The following MEGF8 variants were observed in gnomAD, a reference collection of about 807,000 sequenced individuals.
MEGF8 encodes multiple epidermal growth factor-like domains protein 8.
In MEGF8, 156 loss-of-function variants were observed where a neutral mutation model predicts 302.9. That is an observed-to-expected ratio of 0.52 (90% CI 0.45 to 0.59). The LOEUF is 0.59. MEGF8 is among the 20% of genes least tolerant of loss of function. The pLI, the probability that MEGF8 is intolerant of heterozygous loss-of-function variation, is 0.00. For synonymous variants in MEGF8, 1,621 were observed against 1,660.5 expected (o/e 0.98, Z 0.58); for missense variants, 3,345 against 3,964.5 (o/e 0.84, Z 4.20).
Position 42,351,138 on chromosome 19 carries a change from A to AG in MEGF8, c.2737-73dup. 1.7e-6 allele frequency: 2 copies of AG among 1,209,414 alleles called. No individual in the cohort carries two copies. Among genetic ancestry groups the AG allele is most frequent in the Non-Finnish European group, 1.2e-6 (1 of 864,878 alleles). The allele number at this position is 1,209,414 out of a possible 1,614,324, so 74.9% of individuals were successfully genotyped here. A position where few individuals can be genotyped will look rare whatever the true frequency, so the allele number is the denominator to read the frequency against. On this transcript the variant is annotated intron_variant, in intron 15 of 41. Coordinates refer to ENST00000251268, the MANE Select transcript of MEGF8 (RefSeq NM_001271938.2). The surrounding 1 kb of genome is among the most constrained non-coding windows in gnomAD (Gnocchi z 5.6). ...ACAGGGACAGTCTGCAGGGTGGGGC[A>AG]GGGGGTGGGATGGGCACTGGGAGTC...
chr19:42,376,059 A>T lies in MEGF8; in HGVS notation c.7822A>T (p.Lys2608Ter). The change falls in exon 42 of 42, where the codon AAG (lysine) becomes TAG (stop). Residue 2608 changes from lysine (K) to a stop codon, truncating the protein, a stop_gained. Coordinates refer to ENST00000251268, the MANE Select transcript of MEGF8 (RefSeq NM_001271938.2). LOFTEE classifies it high-confidence loss of function. The surrounding 1 kb of genome is among the most constrained non-coding windows in gnomAD (Gnocchi z 8.2). The part of the protein sequence containing the change: ...ITYPHEHHAL[K>*]SSRFYLLLLG... Reference sequence around the variant, plus strand: ...CTACCCACACGAGCACCATGCCCTCAAGTCGAGCCGCTTCTACCTGCTGCT... The same window carrying T: ...CTACCCACACGAGCACCATGCCCTCTAGTCGAGCCGCTTCTACCTGCTGCT... 6.2e-7 allele frequency: 1 copy of T among 1,604,560 alleles called. No individual in the cohort carries two copies. Among genetic ancestry groups the T allele is most frequent in the Non-Finnish European group, 8.5e-7 (1 of 1,178,370 alleles).
chr19:42,342,692 C>T (rs1400767734), intron 8 of MEGF8, among the ~76,000 whole-genome samples: 1 of 151,900 alleles, frequency 6.6e-6, no homozygotes, highest in Non-Finnish European at 1.5e-5. Flanking sequence ...TAGGGGCTGT[C>T]TTCAGGCTGG....
chr19:42,370,433 G>C (rs1384617874), intron 39 of MEGF8, 74 bp downstream of exon 39: 9 of 1,340,462 alleles, frequency 6.7e-6, no homozygotes, highest in Non-Finnish European at 9.2e-6. Context: ...AGGGAGGAGG[G>C]GGCTGGAGAC....
At chr19:42,328,917 C>T (rs2039020579) in intron 1 of MEGF8, among the ~76,000 whole-genome samples, 1 of 152,008 alleles carries the variant, frequency 6.6e-6, no homozygotes, top group Non-Finnish European at 1.5e-5. Flanking sequence ...ATTCAGCCCC[C>T]AGTGTGTTCA....
At chr19:42,327,679 T>A (rs963763461) in intron 1 of MEGF8, among the ~76,000 whole-genome samples, 21 of 152,344 alleles carry the variant, frequency 1.4e-4, no homozygotes, top group Non-Finnish European at 2.4e-4. Flanking sequence ...ACCTGGGGTA[T>A]AGCTGAGATC....
chr19:42,336,971 C>G lies in MEGF8; in HGVS notation c.1390+19C>G. The G allele has an allele frequency of 1.2e-6, 2 of 1,612,658 alleles. No homozygotes were observed. Among genetic ancestry groups the G allele is most frequent in the South Asian group, 2.2e-5 (2 of 90,968 alleles). ...GTCTATGGTGAGGAGGCTCCCCAAT[C>G]CTGCCTGCCTGCCTGCTGAGGGCCT... On this transcript the variant is annotated intron_variant, in intron 7 of 41. Coordinates refer to ENST00000251268, the MANE Select transcript of MEGF8 (RefSeq NM_001271938.2). The surrounding 1 kb of genome is among the most constrained non-coding windows in gnomAD (Gnocchi z 4.8).
intron 1 of MEGF8, among the ~76,000 whole-genome samples, chr19:42,332,655 C>T (rs758300451): frequency 2.0e-5 from 3 of 152,212 alleles, no homozygotes; most frequent in Non-Finnish European, 4.4e-5. Context: ...TGTGAGCCAC[C>T]GTGCCCAGCC....
intron 1 of MEGF8, among the ~76,000 whole-genome samples, chr19:42,330,556 T>C (rs10401224): frequency 0.021 from 3,228 of 152,328 alleles, 126 homozygotes; most frequent in African/African-American, 0.072. Context: ...GGGCTCTGGT[T>C]AGAGCCTGAG....
In MEGF8 at chr19:42,356,687, G is replaced by A; in HGVS notation, c.4623-87G>A. The stretch of plus-strand genomic sequence containing the variant: ...ACTGTCATAGGAAGGTCACCCCAGG[G>A]GATGCGGGGACATCTGTCAGGCAGG... On this transcript the variant is annotated intron_variant, in intron 26 of 41. Transcript: ENST00000251268. The surrounding 1 kb of genome is among the most constrained non-coding windows in gnomAD (Gnocchi z 5.2). 3 of 1,359,386 alleles carry A rather than the reference G, an allele frequency of 2.2e-6. No individual in the cohort carries two copies. Among genetic ancestry groups the A allele is most frequent in the Non-Finnish European group, 2.0e-6 (2 of 999,926 alleles). The allele number at this position is 1,359,386 out of a possible 1,614,324, so 84.2% of individuals were successfully genotyped here.
At position 42,344,321 on chromosome 19, in the gene MEGF8, A is replaced by G. The variant is rs2039256701; in HGVS notation, c.1789-120A>G. The G allele has an allele frequency of 7.2e-7, 1 of 1,391,818 alleles. No individual in the cohort carries two copies. Among genetic ancestry groups the G allele is most frequent in the Non-Finnish European group, 9.6e-7 (1 of 1,041,998 alleles). The allele number at this position is 1,391,818 out of a possible 1,614,324, so 86.2% of individuals were successfully genotyped here. On this transcript the variant is annotated intron_variant, in intron 10 of 41. Coordinates refer to ENST00000251268, the MANE Select transcript of MEGF8 (RefSeq NM_001271938.2). The surrounding 1 kb of genome is among the most constrained non-coding windows in gnomAD (Gnocchi z 4.5). ...TCTGGATCTCCCACATTCCAAGTCA[A>G]CTCCCCGTTCTTCAGTTTTTTCGCC...
intron 1 of MEGF8, among the ~76,000 whole-genome samples, chr19:42,327,664 G>A (rs10409428): frequency 0.019 from 2,858 of 152,326 alleles, 97 homozygotes; most frequent in African/African-American, 0.064. Flanking sequence ...AAGACATGTG[G>A]CTTAACCTGG....
chr19:42,346,266 C>T (rs1181075568), intron 12 of MEGF8, among the ~76,000 whole-genome samples: 2 of 152,170 alleles, frequency 1.3e-5, no homozygotes, highest in African/African-American at 4.8e-5. Context: ...CATCAAAAGT[C>T]ATTGGGGCTG....
Position 42,351,190 on chromosome 19 carries a change from G to C in MEGF8, c.2737-26G>C. ...AAAGGAAAGGGCTGAGTGGGGTTCT[G>C]ACTCCTCTGCCCAACTGACCCCCAG... On this transcript the variant is annotated intron_variant, in intron 15 of 41. Transcript: ENST00000251268. The surrounding 1 kb of genome is among the most constrained non-coding windows in gnomAD (Gnocchi z 5.6). The C allele has an allele frequency of 6.5e-7, 1 of 1,544,054 alleles. No homozygotes were observed. Among genetic ancestry groups the C allele is most frequent in the Middle Eastern group, 1.7e-4 (1 of 5,924 alleles).
In MEGF8 at chr19:42,369,738, G is replaced by A. The variant is rs1212014526; in HGVS notation, c.6834+15G>A. On this transcript the variant is annotated intron_variant, in intron 38 of 41. Transcript: ENST00000251268. This position sits in a 1 kb window ranked among gnomAD's most constrained non-coding sequence, Gnocchi z 5.7. The stretch of plus-strand genomic sequence containing the variant: ...ACCACACCAAGGTGGGCCGCCCGGA[G>A]CCTCAGACCCCCGACCCTGGGACCC... 1 of 1,588,832 alleles carries A rather than the reference G, an allele frequency of 6.3e-7. No individual in the cohort carries two copies. Among genetic ancestry groups the A allele is most frequent in the Admixed American group, 1.8e-5 (1 of 56,830 alleles).
Position 42,336,218 on chromosome 19 carries a change from C to A in MEGF8, c.1116C>A (p.Ser372Arg), listed in dbSNP as rs746659886. 1.9e-6 allele frequency: 3 copies of A among 1,609,738 alleles called. No homozygotes were observed. Among genetic ancestry groups the A allele is most frequent in the East Asian group, 4.5e-5 (2 of 44,886 alleles). Reference protein sequence around the residue: ...GLFRFRLDSTSGGYWEQVIPA... With the variant: ...GLFRFRLDSTRGGYWEQVIPA... ...TCCGTTTCCGCCTTGACAGCACCAG[C>A]GGGGGCTATTGGGAGCAGGTGATTC... The change falls in exon 6 of 42, where the codon AGC becomes AGA. Residue 372 changes from serine (S) to arginine (R), a missense_variant. Ser to Arg is a moderately radical substitution (Grantham distance 110, BLOSUM62 -1). Coordinates refer to ENST00000251268, the MANE Select transcript of MEGF8 (RefSeq NM_001271938.2). The surrounding 1 kb of genome is among the most constrained non-coding windows in gnomAD (Gnocchi z 4.8).
rs1224046397 is a variant in MEGF8, at chr19:42,369,312, A to G, written c.6642-219A>G. On this transcript the variant is annotated intron_variant, in intron 37 of 41. Coordinates refer to ENST00000251268, the MANE Select transcript of MEGF8 (RefSeq NM_001271938.2). The surrounding 1 kb of genome is among the most constrained non-coding windows in gnomAD (Gnocchi z 5.7). The stretch of plus-strand genomic sequence containing the variant: ...CCACAGGGAGACCCCATCTCTACAA[A>G]AAAATAAAAAAGAAAATAGGGTACC... 1.3e-5 allele frequency among the ~76,000 whole-genome samples: 2 copies of G among 152,178 alleles called. No individual in the cohort carries two copies. Among genetic ancestry groups the G allele is most frequent in the Non-Finnish European group, 2.9e-5 (2 of 68,036 alleles).
chr19:42,330,275 C>T (rs2039038894), intron 1 of MEGF8, among the ~76,000 whole-genome samples: 1 of 152,106 alleles, frequency 6.6e-6, no homozygotes, highest in African/African-American at 2.4e-5. Flanking sequence ...TGCTTTTGAG[C>T]AGGAGGGAGT....
At chr19:42,360,613 G>A (rs2039518121) in intron 31 of MEGF8, among the ~76,000 whole-genome samples, 162 bp from the exon 32 acceptor site, 1 of 152,116 alleles carries the variant, frequency 6.6e-6, no homozygotes, top group Admixed American at 6.5e-5. Context: ...CCAAAGTGTT[G>A]GGATCACAGG....
chr19:42,356,418 G>C lies in MEGF8; in HGVS notation c.4587G>C (p.Leu1529=). 6.2e-7 allele frequency: 1 copy of C among 1,610,666 alleles called. No individual in the cohort carries two copies. The highest frequency in any genetic ancestry group is 1.1e-5 in the South Asian group (1 of 90,492). ...CCACCTTGTGGATGTTTGGGGGCCTGGGCCTGCCCCAGGGGCTGCTGGGAA... is the reference window on the plus strand; with the variant it reads ...CCACCTTGTGGATGTTTGGGGGCCTCGGCCTGCCCCAGGGGCTGCTGGGAA... The part of the protein sequence containing the change: ...PDATLWMFGG[L]GLPQGLLGNL... Residue 1529 remains leucine (L), a synonymous_variant, in exon 26 of 42, where the codon CTG becomes CTC. Coordinates refer to ENST00000251268, the MANE Select transcript of MEGF8 (RefSeq NM_001271938.2). This position sits in a 1 kb window ranked among gnomAD's most constrained non-coding sequence, Gnocchi z 5.2.
Sources: gnomAD v4.1 joint callset for allele counts (sites outside exome capture counted in the v4.1 genomes callset) on GRCh38, gnomAD v4.1.1 for gene constraint, Gnocchi (gnomAD v3.1) non-coding constraint, MANE v1.5 for transcripts, NCBI Gene and HGNC (gene_info 2026-07-23, HGNC 2026-07-21) for gene names.